FREM3: variants seen among roughly 807,000 people sequenced by gnomAD.
FREM3 encodes FRAS1-related extracellular matrix protein 3.
A neutral mutation model predicts 129.1 loss-of-function variants in FREM3; 105 were observed. The ratio of observed to expected loss-of-function variants is 0.81; its 90% confidence interval spans 0.69 to 0.96. The LOEUF (loss-of-function observed/expected upper bound fraction) is 0.96. Among genes scored for constraint, FREM3 ranks in the 40% least tolerant of loss-of-function variants. FREM3 has a pLI of 0.00. For missense variants in FREM3, 2,593 were observed against 2,666.3 expected, an observed-to-expected ratio of 0.97 and a Z score of 0.61; for synonymous variants, 1,014 against 1,044.9, an observed-to-expected ratio of 0.97 and a Z score of 0.57.
At chr4:143,634,414 A>G (rs1214224676) in intron 2 of FREM3, among the ~76,000 whole-genome samples, 1 of 152,108 alleles carries the variant, frequency 6.6e-6, no homozygotes, top group East Asian at 1.9e-4. Context: ...ATTTATAGCT[A>G]GTGGGACCCC....
intron 2 of FREM3, among the ~76,000 whole-genome samples, chr4:143,691,231 C>G (rs567937935): frequency 6.6e-6 from 1 of 152,212 alleles, no homozygotes; most frequent in African/African-American, 2.4e-5. Flanking sequence ...CAAGGTGCTT[C>G]TTTATCAGGT....
intron 2 of FREM3, among the ~76,000 whole-genome samples, chr4:143,667,198 T>C (rs1239047211): frequency 6.6e-6 from 1 of 152,178 alleles, no homozygotes; most frequent in African/African-American, 2.4e-5. Context: ...ATGTGGAAGT[T>C]ACTAAAAATT....
Position 143,588,148 on chromosome 4 carries a change from G to T in FREM3, c.6029-2155C>A, listed in dbSNP as rs191981068. Among the ~76,000 whole-genome samples, 12 of 152,252 alleles carry T rather than the reference G, an allele frequency of 7.9e-5. No individual in the cohort carries two copies. The East Asian group carries it at 2.1e-3, about 27-fold the overall frequency. The stretch of plus-strand genomic sequence containing the variant: ...CATTGCAGGTGGCACACATCATACT[G>T]CCCAAATGGTCTCCTTCGAGCCCCC... On this transcript the variant is annotated intron_variant, in intron 6 of 7. Transcript: ENST00000329798.
At chr4:143,664,597 C>G (rs968892711) in intron 2 of FREM3, among the ~76,000 whole-genome samples, 2 of 152,136 alleles carry the variant, frequency 1.3e-5, no homozygotes, top group African/African-American at 4.8e-5. Flanking sequence ...CATGCTGGGA[C>G]AACCACTGCT....
intron 6 of FREM3, among the ~76,000 whole-genome samples, chr4:143,603,544 T>C (rs1033626157): frequency 1.3e-5 from 2 of 152,106 alleles, no homozygotes; most frequent in Admixed American, 1.3e-4. Flanking sequence ...GTAGCCTCAG[T>C]AGAATGACAT....
At chr4:143,586,774 T>C (rs559083206) in intron 6 of FREM3, among the ~76,000 whole-genome samples, 3 of 152,324 alleles carry the variant, frequency 2.0e-5, no homozygotes, top group South Asian at 4.1e-4. Flanking sequence ...TTAAAGCATA[T>C]ACAAGGCTTA....
chr4:143,687,860 C>T (rs373842533), intron 2 of FREM3, among the ~76,000 whole-genome samples: 230 of 152,190 alleles, frequency 1.5e-3, no homozygotes, highest in Non-Finnish European at 2.7e-3. Flanking sequence ...AAGGGACATA[C>T]CTTAATGTAA....
At chr4:143,677,051 T>A (rs1159776942) in intron 2 of FREM3, among the ~76,000 whole-genome samples, 1 of 152,176 alleles carries the variant, frequency 6.6e-6, no homozygotes, top group Non-Finnish European at 1.5e-5. Flanking sequence ...ACTTTAAAGT[T>A]CATATGGAAC....
rs779950655 is a variant in FREM3, at chr4:143,661,189, T to A, written c.5275+31924A>T. Among the ~76,000 whole-genome samples, 1,495 of 152,328 alleles carry A rather than the reference T, an allele frequency of 9.8e-3. 21 individuals are homozygous for A. Among genetic ancestry groups the A allele is most frequent in the Non-Finnish European group, 0.016 (1,071 of 68,012 alleles). Reference sequence around the variant, plus strand: ...TTTTCAAAGGGAATGCTTCTAGTTTTTGCCCATTCAGTATGATATTGGCTG... The same window carrying A: ...TTTTCAAAGGGAATGCTTCTAGTTTATGCCCATTCAGTATGATATTGGCTG... On this transcript the variant is annotated intron_variant, in intron 2 of 7. Transcript: ENST00000329798.
In FREM3 at chr4:143,638,483, G is replaced by GT. The variant is rs552593625; in HGVS notation, c.5276-10724dup. Among the ~76,000 whole-genome samples the GT allele has an allele frequency of 2.6e-3, 392 of 152,228 alleles. 1 individual carries two copies. Among genetic ancestry groups the GT allele is most frequent in the South Asian group, 3.9e-3 (19 of 4,818 alleles). On this transcript the variant is annotated intron_variant, in intron 2 of 7. Transcript: ENST00000329798. Reference sequence around the variant, plus strand: ...TCCAGAGAAAACAATATAATATAATGTAATATGATATAGTTAATATAGCAA... The same window carrying GT: ...TCCAGAGAAAACAATATAATATAATGTTAATATGATATAGTTAATATAGCAA...
At position 143,697,184 on chromosome 4, in the gene FREM3, G is replaced by A; in HGVS notation, c.3492C>T (p.Asp1164=). Residue 1164 remains aspartate, a synonymous_variant, in exon 1 of 8, where the codon GAC becomes GAT. Coordinates refer to ENST00000329798, the MANE Select transcript of FREM3 (RefSeq NM_001168235.2). ...SIHKGVEPQE[D]QFTFYCSDGI... is the part of the protein sequence containing the mutation. ...CATCAGAGCAATAAAAGGTGAATTG[G>A]TCCTCTTGTGGCTCTACTCCCTTGT... 6.5e-7 allele frequency: 1 copy of A among 1,537,854 alleles called. No individual in the cohort carries two copies. The highest frequency in any genetic ancestry group is 8.7e-7 in the Non-Finnish European group (1 of 1,147,044).
chr4:143,666,556 AC>A (rs1174524264), intron 2 of FREM3, among the ~76,000 whole-genome samples: 1 of 152,194 alleles, frequency 6.6e-6, no homozygotes, highest in African/African-American at 2.4e-5. Context: ...TCAGCGTAAA[AC>A]AAAGTGATGA....
Position 143,627,626 on chromosome 4 carries a change from T to A in FREM3, c.5410A>T (p.Thr1804Ser). The A allele has an allele frequency of 6.5e-7, 1 of 1,536,260 alleles. No homozygotes were observed. The highest frequency in any genetic ancestry group is 1.2e-5 in the South Asian group (1 of 84,036). Reference sequence around the variant, plus strand: ...CAAAGTTACTTACTGATAAATGATGTTTCTCCAAGGTATCCTCTGCGTGTA... The same window carrying A: ...CAAAGTTACTTACTGATAAATGATGATTCTCCAAGGTATCCTCTGCGTGTA... ...TLTRRGYLGETSFISIGTKDE... is the reference protein window; with the variant it reads ...TLTRRGYLGESSFISIGTKDE... Residue 1804 changes from threonine to serine, a missense_variant, in exon 3 of 8, where the codon ACA (threonine) becomes TCA (serine). Thr to Ser is a moderately conservative substitution (Grantham distance 58). Around this residue, in one of 2 missense-constraint regions of FREM3, gnomAD observed 2,276 missense variants for 2,267.2 expected, o/e 1.00. Coordinates refer to ENST00000329798, the MANE Select transcript of FREM3 (RefSeq NM_001168235.2).
chr4:143,578,082 G>A (rs191042892), intron 7 of FREM3, among the ~76,000 whole-genome samples: 34 of 152,318 alleles, frequency 2.2e-4, no homozygotes, highest in East Asian at 5.8e-4. Flanking sequence ...GGCTTTACAC[G>A]TCTAGACCAG....
chr4:143,628,266 A>C (rs1017403452), intron 2 of FREM3, among the ~76,000 whole-genome samples: 1 of 152,162 alleles, frequency 6.6e-6, no homozygotes, highest in South Asian at 2.1e-4. Flanking sequence ...GATGTATTGA[A>C]CTTATACACT....
chr4:143,625,848 T>C (rs193009526), intron 3 of FREM3, among the ~76,000 whole-genome samples: 7 of 152,346 alleles, frequency 4.6e-5, no homozygotes, highest in Admixed American at 3.9e-4. Context: ...ATGGTATTTA[T>C]CACTTCTTGA....
At chr4:143,629,407 C>G (rs1739100011) in intron 2 of FREM3, among the ~76,000 whole-genome samples, 1 of 152,136 alleles carries the variant, frequency 6.6e-6, no homozygotes, top group East Asian at 1.9e-4. Context: ...AAGGAACTCA[C>G]TGATGTGTAA....
intron 6 of FREM3, among the ~76,000 whole-genome samples, chr4:143,586,621 C>T (rs1159466691): frequency 6.6e-6 from 1 of 152,114 alleles, no homozygotes; most frequent in African/African-American, 2.4e-5. Flanking sequence ...CACCAGGCTT[C>T]AGCGGTGGGT....
At chr4:143,622,537 T>C (rs1332114410) in intron 4 of FREM3, among the ~76,000 whole-genome samples, 1 of 151,958 alleles carries the variant, frequency 6.6e-6, no homozygotes, top group Non-Finnish European at 1.5e-5. Flanking sequence ...TCAGCAGATA[T>C]AAGTATCAAC....
Sources: gnomAD v4.1 joint callset for allele counts (sites outside exome capture counted in the v4.1 genomes callset) on GRCh38, gnomAD v4.1.1 for gene constraint, gnomAD v4.1.1 regional missense constraint, MANE v1.5 for transcripts, NCBI Gene and HGNC (gene_info 2026-07-23, HGNC 2026-07-21) for gene names.